CACNA2D1: variants seen among roughly 807,000 people sequenced by gnomAD.
The protein encoded by CACNA2D1 is voltage-dependent calcium channel subunit alpha-2/delta-1.
CACNA2D1 carries 53 observed loss-of-function variants against 171.5 expected under a neutral mutation model. The ratio of observed to expected loss-of-function variants is 0.31; its 90% CI spans 0.25 to 0.39. The LOEUF is 0.39. Among genes scored for constraint, CACNA2D1 ranks in the 10% least tolerant of loss-of-function variants. The probability of loss-of-function intolerance (pLI) is 1.00; values close to 1 mark genes in which losing one functional copy is unlikely to be tolerated. For missense variants in CACNA2D1, 903 were observed against 1,299.8 expected, an observed-to-expected ratio of 0.69 and a Z score of 4.69; for synonymous variants, 442 against 443.1, an observed-to-expected ratio of 1.00 and a Z score of 0.03.
Position 82,422,147 on chromosome 7 carries a change from T to A in CACNA2D1, c.95+21218A>T, listed in dbSNP as rs80043637. On this transcript the variant is annotated intron_variant, in intron 1 of 38. Coordinates refer to ENST00000356860, the MANE Select transcript of CACNA2D1 (RefSeq NM_000722.4). ...AAATATTCATGTTTAAGGGTCATCT[T>A]GCCAAGATACATTAAATGATGTGCA... Among the ~76,000 whole-genome samples the A allele has an allele frequency of 7.8e-3, 1,188 of 152,288 alleles. 19 individuals are homozygous for A. Among genetic ancestry groups the A allele is most frequent in the African/African-American group, 0.027 (1,126 of 41,578 alleles).
chr7:82,136,092 T>A (rs879619461), intron 5 of CACNA2D1, among the ~76,000 whole-genome samples: 3 of 152,202 alleles, frequency 2.0e-5, no homozygotes, highest in Admixed American at 2.0e-4. Context: ...AAATAATCCA[T>A]GTTTTCAAGT....
intron 6 of CACNA2D1, among the ~76,000 whole-genome samples, chr7:82,092,371 C>T (rs1811273520): frequency 6.6e-6 from 1 of 151,666 alleles, no homozygotes; most frequent in Non-Finnish European, 1.5e-5. Context: ...TAGTACTTCA[C>T]AGTCATTTTT....
chr7:82,305,212 C>T (rs1358732898), intron 3 of CACNA2D1, among the ~76,000 whole-genome samples: 1 of 152,050 alleles, frequency 6.6e-6, no homozygotes, highest in Non-Finnish European at 1.5e-5. Context: ...GTCTCATGCA[C>T]ACATTCACAG....
intron 3 of CACNA2D1, among the ~76,000 whole-genome samples, chr7:82,273,692 A>G (rs1220255795): frequency 6.6e-6 from 1 of 152,126 alleles, no homozygotes; most frequent in Non-Finnish European, 1.5e-5. Flanking sequence ...ATAGGAAAAC[A>G]TTCTGAATAT....
intron 3 of CACNA2D1, among the ~76,000 whole-genome samples, chr7:82,259,237 C>T (rs1806761481): frequency 6.6e-6 from 1 of 152,094 alleles, no homozygotes; most frequent in Admixed American, 6.5e-5. Flanking sequence ...GACAGACAGA[C>T]AGACAGACAG....
intron 3 of CACNA2D1, among the ~76,000 whole-genome samples, chr7:82,297,479 C>T (rs1812443171): frequency 6.6e-6 from 1 of 152,102 alleles, no homozygotes; most frequent in Non-Finnish European, 1.5e-5. Context: ...ATTACCAATG[C>T]TGTTGCACAA....
intron 4 of CACNA2D1, among the ~76,000 whole-genome samples, chr7:82,155,405 T>A (rs1054545828): frequency 1.2e-4 from 19 of 152,112 alleles, no homozygotes; most frequent in African/African-American, 4.3e-4. Context: ...AAAAAAGAAA[T>A]CTGAATCCAG....
intron 1 of CACNA2D1, among the ~76,000 whole-genome samples, chr7:82,403,712 A>G (rs1245944175): frequency 6.6e-6 from 1 of 152,198 alleles, no homozygotes; most frequent in Non-Finnish European, 1.5e-5. Flanking sequence ...CCCCTACCCC[A>G]AACTATATGG....
chr7:82,289,483 T>C (rs957893653), intron 3 of CACNA2D1, among the ~76,000 whole-genome samples: 2 of 152,328 alleles, frequency 1.3e-5, no homozygotes, highest in South Asian at 2.1e-4. Context: ...GGGACTAGAA[T>C]TGAACACAGT....
At chr7:82,213,228 T>A (rs1449390863) in intron 3 of CACNA2D1, among the ~76,000 whole-genome samples, 1 of 152,134 alleles carries the variant, frequency 6.6e-6, no homozygotes, top group Non-Finnish European at 1.5e-5. Context: ...AGTAATATTC[T>A]AGAGTGTTTT....
At chr7:82,302,576 G>C (rs1177223487) in intron 3 of CACNA2D1, among the ~76,000 whole-genome samples, 1 of 151,832 alleles carries the variant, frequency 6.6e-6, no homozygotes, top group Non-Finnish European at 1.5e-5. Flanking sequence ...ACCACACCCG[G>C]GTAATTTTGT....
chr7:81,989,415 T>C (rs1261121091), intron 21 of CACNA2D1, among the ~76,000 whole-genome samples: 2 of 152,206 alleles, frequency 1.3e-5, no homozygotes, highest in East Asian at 3.8e-4. Flanking sequence ...ACGATGGAGA[T>C]ACAGATGCAA....
intron 12 of CACNA2D1, among the ~76,000 whole-genome samples, chr7:82,021,552 T>C (rs552517298): frequency 6.6e-6 from 1 of 152,198 alleles, no homozygotes; most frequent in Admixed American, 6.6e-5. Context: ...TGTACTGATA[T>C]GACCAACATA....
intron 3 of CACNA2D1, among the ~76,000 whole-genome samples, chr7:82,315,928 A>G (rs538996427): frequency 2.6e-5 from 4 of 152,110 alleles, no homozygotes; most frequent in African/African-American, 9.7e-5. Context: ...GTTTGGCTAG[A>G]AATTAAAATT....
intron 1 of CACNA2D1, among the ~76,000 whole-genome samples, chr7:82,407,161 C>G (rs987424543): frequency 3.3e-5 from 5 of 152,170 alleles, no homozygotes; most frequent in Non-Finnish European, 7.4e-5. Context: ...CAACTCTGCT[C>G]AAGTGAATTC....
chr7:82,213,068 T>C (rs142901069), intron 3 of CACNA2D1, among the ~76,000 whole-genome samples: 12,876 of 151,934 alleles, frequency 0.085, 725 homozygotes, highest in Non-Finnish European at 0.11. Flanking sequence ...CCCTGCTAAT[T>C]TTTTGTATTT....
intron 1 of CACNA2D1, among the ~76,000 whole-genome samples, chr7:82,361,242 C>T (rs957371825): frequency 2.6e-5 from 4 of 152,254 alleles, no homozygotes; most frequent in African/African-American, 4.8e-5. Context: ...CCTTTCCTAA[C>T]CTGCTCAATA....
At chr7:82,201,767 C>G (rs893159656) in intron 3 of CACNA2D1, among the ~76,000 whole-genome samples, 3 of 152,204 alleles carry the variant, frequency 2.0e-5, no homozygotes, top group Non-Finnish European at 4.4e-5. Context: ...CTAACCATCA[C>G]TGATGTGAGA....
intron 1 of CACNA2D1, among the ~76,000 whole-genome samples, chr7:82,397,753 A>T (rs1035891030): frequency 5.9e-5 from 9 of 152,234 alleles, no homozygotes; most frequent in Non-Finnish European, 8.8e-5. Flanking sequence ...AATCATCGTT[A>T]CCATGCTCTG....
Sources: gnomAD v4.1 joint callset for allele counts (sites outside exome capture counted in the v4.1 genomes callset) on GRCh38, gnomAD v4.1.1 for gene constraint, MANE v1.5 for transcripts, NCBI Gene and HGNC (gene_info 2026-07-23, HGNC 2026-07-21) for gene names.